RENBP: variants seen among roughly 807,000 people sequenced by gnomAD.
RENBP encodes the protein renin binding protein.
Under a neutral mutation model 37.8 loss-of-function variants are expected in RENBP, and 16 were observed. The observed-to-expected ratio is 0.42, with a 90% CI of 0.29 to 0.64. The LOEUF (loss-of-function observed/expected upper bound fraction) is 0.64. Ranked by LOEUF, RENBP falls within the 30% of genes least tolerant of loss-of-function variation. RENBP has a pLI of 0.19. For missense variants in RENBP, 347 were observed against 379.5 expected (o/e 0.91, Z 0.71); for synonymous variants, 170 against 154.8 (o/e 1.10, Z -0.73).
chrX:153,941,284 G>A (rs1260643558), intron 8 of RENBP, among the ~76,000 whole-genome samples, 194 bp downstream of exon 8: 10 of 110,592 alleles, frequency 9.0e-5, no homozygotes. Context: ...ATTCTTTCTT[G>A]GGCAAGATCC....
intron 6 of RENBP, 66 bp from the exon 7 acceptor site, chrX:153,942,097 A>G (rs1490445140): frequency 1.1e-6 from 1 of 896,573 alleles, no homozygotes; most frequent in Non-Finnish European, 1.6e-6. Context: ...ACCCAACTAG[A>G]AAGACCCAGC....
At position 153,940,150 on chromosome X, in the gene RENBP, AG is replaced by A; in HGVS notation, c.1028del (p.Pro343LeufsTer30). The A allele has an allele frequency of 8.3e-7, 1 of 1,211,134 alleles. No individual in the cohort carries two copies. The highest frequency in any genetic ancestry group is 1.1e-6 in the Non-Finnish European group (1 of 895,289). On this transcript the variant is annotated frameshift_variant, in exon 9 of 11. Coordinates refer to ENST00000393700, the MANE Select transcript of RENBP (RefSeq NM_002910.6). LOFTEE classifies it high-confidence loss of function. ...CTTGGTAGAAGAGGCGCAGCAGCACAGGGTCCCCACTGTCACTGTAACCCAT... is the reference window on the plus strand; with the variant it reads ...CTTGGTAGAAGAGGCGCAGCAGCACAGGTCCCCACTGTCACTGTAACCCAT... ...FLMGYSDSGD[P>X]VLLRLFYQVA...
chrX:153,944,515 G>A (rs1219611596), intron 1 of RENBP, 69 bp downstream of exon 1: 7 of 1,165,666 alleles, frequency 6.0e-6, no homozygotes, highest in African/African-American at 1.8e-5. Flanking sequence ...ACCTCTGCAC[G>A]GGGCTTCAGA....
chrX:153,944,045 C>A, intron 3 of RENBP, 35 bp downstream of exon 3: 1 of 1,205,842 alleles, frequency 8.3e-7, no homozygotes, highest in Non-Finnish European at 1.1e-6. Context: ...GGCGATGGGC[C>A]GTGTGCCTGA....
rs782010184 is a variant in RENBP at position 153,943,012 on chromosome X, C to T, written c.530G>A (p.Arg177Gln). The T allele has an allele frequency of 2.0e-5, 24 of 1,206,053 alleles. No individual in the cohort carries two copies. Among genetic ancestry groups the T allele is most frequent in the East Asian group, 3.0e-5 (1 of 33,702 alleles). ...AGCCGGGGCCCCCTGGAGCTGGGGCCGGCCCAGTCCCGACGCGTCCTCCTG... is the reference window on the plus strand; with the variant it reads ...AGCCGGGGCCCCCTGGAGCTGGGGCTGGCCCAGTCCCGACGCGTCCTCCTG... ...WVQEDASGLG[R>Q]PQLQGAPAAE... The change falls in exon 6 of 11, where the codon CGG becomes CAG. Residue 177 changes from arginine to glutamine, a missense_variant. Arg to Gln is a conservative substitution (Grantham distance 43). This residue lies in a region of RENBP where 244 missense variants were observed against 279.4 expected (regional missense o/e 0.87). Transcript: ENST00000393700.
chrX:153,939,937 G>A (rs2065219147), intron 9 of RENBP, among the ~76,000 whole-genome samples, 165 bp downstream of exon 9: 2 of 109,891 alleles, frequency 1.8e-5, no homozygotes, highest in African/African-American at 6.6e-5. Context: ...TCGAGCTCTA[G>A]GAGGGCAGAG....
At chrX:153,935,895 C>T (rs1435139254) in intron 9 of RENBP, 2 of 261,914 alleles carry the variant, frequency 7.6e-6, no homozygotes, top group African/African-American at 5.6e-5. Context: ...TTTCGGAGGC[C>T]GAGGCGGGCG....
At chrX:153,938,211 C>T (rs782674511) in intron 9 of RENBP, among the ~76,000 whole-genome samples, 3 of 112,196 alleles carry the variant, frequency 2.7e-5, no homozygotes, top group Admixed American at 9.5e-5. Flanking sequence ...GAAGTAGTGA[C>T]GAATATATGT....
At position 153,941,943 on chromosome X, in the gene RENBP, C is replaced by A. The variant is rs1557109623; in HGVS notation, c.769+7G>T. ...CTGGGTGGCCCCCAGCCCACCCCGC[C>A]CCTCACCTGGGTTCTGCTGTCTCCC... On this transcript the variant is annotated splice_region_variant and intron_variant, in intron 7 of 10. Transcript: ENST00000393700. The A allele has an allele frequency of 9.5e-7, 1 of 1,049,339 alleles. No homozygotes were observed. Among genetic ancestry groups the A allele is most frequent in the Non-Finnish European group, 1.3e-6 (1 of 748,362 alleles). 86.5% of individuals were successfully genotyped at this position (1,049,339 alleles called of 1,213,427 possible).
At chrX:153,938,791 T>TG (rs1246205466) in intron 9 of RENBP, among the ~76,000 whole-genome samples, 3 of 90,910 alleles carry the variant, frequency 3.3e-5, no homozygotes, top group African/African-American at 1.6e-4. Context: ...TGTTTTTTTT[T>TG]TTTTGTTTTT....
At position 153,943,679 on chromosome X, in the gene RENBP, G is replaced by A; in HGVS notation, c.329C>T (p.Pro110Leu). The A allele has an allele frequency of 1.7e-6, 2 of 1,211,526 alleles. No homozygotes were observed. The highest frequency in any genetic ancestry group is 1.8e-5 in the South Asian group (1 of 57,021). ...FLLRYARVAP[P>L]GKKCAFVLTR... Reference sequence around the variant, plus strand: ...CAGCACAAAGGCACACTTCTTGCCAGGAGGTGCCACCCGGGCATACCGCAG... The same window carrying A: ...CAGCACAAAGGCACACTTCTTGCCAAGAGGTGCCACCCGGGCATACCGCAG... Residue 110 changes from proline (P) to leucine (L), a missense_variant, in exon 5 of 11, where the codon CCT (proline) becomes CTT (leucine). Coordinates refer to ENST00000393700, the MANE Select transcript of RENBP (RefSeq NM_002910.6).
chrX:153,935,601 C>T, intron 9 of RENBP, 25 bp from the exon 10 acceptor site: 42 of 1,162,395 alleles, frequency 3.6e-5, no homozygotes, highest in Non-Finnish European at 4.8e-5. Flanking sequence ...ACAGTGACAG[C>T]TAGCGCCTGC....
Position 153,941,466 on chromosome X carries a change from G to A in RENBP, c.945+12C>T. 1 of 1,209,619 alleles carries A rather than the reference G, an allele frequency of 8.3e-7. No homozygotes were observed. Among genetic ancestry groups the A allele is most frequent in the Non-Finnish European group, 1.1e-6 (1 of 894,241 alleles). ...CAGCGTGGGTCACACATGGCCCTGG[G>A]CGCTCTCCCACCTGGGTGGGGCAGA... On this transcript the variant is annotated intron_variant, in intron 8 of 10. Transcript: ENST00000393700.
At chrX:153,938,788 TTTTTTTTG>T (rs1169649091) in intron 9 of RENBP, among the ~76,000 whole-genome samples, 26 of 90,332 alleles carry the variant, frequency 2.9e-4, no homozygotes, top group South Asian at 1.2e-3. Context: ...TACTGTTTTT[TTTTTTTTG>T]TTTTTTTTTT....
Position 153,941,473 on chromosome X carries a change from C to T in RENBP, c.945+5G>A, listed in dbSNP as rs782383271. The T allele has an allele frequency of 6.6e-6, 8 of 1,208,128 alleles. No homozygotes were observed. The Admixed American group carries it at 1.3e-4, about 20-fold the overall frequency. ...GGTCACACATGGCCCTGGGCGCTCT[C>T]CCACCTGGGTGGGGCAGAAGTTATC... On this transcript the variant is annotated splice_donor_5th_base_variant and intron_variant, in intron 8 of 10. Coordinates refer to ENST00000393700, the MANE Select transcript of RENBP (RefSeq NM_002910.6).
chrX:153,944,087 C>T lies in RENBP; in HGVS notation c.206G>A (p.Gly69Glu), dbSNP rs373220155. Residue 69 changes from glycine to glutamate, a missense_variant, in exon 3 of 11, where the codon GGG becomes GAG. Around this residue, in one of 3 missense-constraint regions of RENBP, gnomAD observed 244 missense variants for 279.4 expected, o/e 0.87. Coordinates refer to ENST00000393700, the MANE Select transcript of RENBP (RefSeq NM_002910.6). The stretch of plus-strand genomic sequence containing the variant: ...AGGCTGGGAACACCATACCTGCCTC[C>T]CCTGCAGCCACACATACTTGAGGTC... ...YDDLKYVWLQ[G>E]RQVWMYCRLY... 3 of 1,208,945 alleles carry T rather than the reference C, an allele frequency of 2.5e-6. No individual in the cohort carries two copies. The highest frequency in any genetic ancestry group is 3.4e-6 in the Non-Finnish European group (3 of 894,458).
rs782750772 is a variant in RENBP, at chrX:153,943,027, G to A, written c.515C>T (p.Ala172Val). 6 of 1,202,512 alleles carry A rather than the reference G, an allele frequency of 5.0e-6. No individual in the cohort carries two copies. Among genetic ancestry groups the A allele is most frequent in the Non-Finnish European group, 6.7e-6 (6 of 890,897 alleles). The part of the protein sequence containing the change: ...DQIVHWVQED[A>V]SGLGRPQLQG... ...GAGCTGGGGCCGGCCCAGTCCCGACGCGTCCTCCTGCACCCAGTGGACGAT... is the reference window on the plus strand; with the variant it reads ...GAGCTGGGGCCGGCCCAGTCCCGACACGTCCTCCTGCACCCAGTGGACGAT... Residue 172 changes from alanine to valine, a missense_variant, in exon 6 of 11, where the codon GCG (alanine) becomes GTG (valine). Physicochemically the swap from Ala to Val is moderately conservative, Grantham distance 64. This residue lies in a region of RENBP where 244 missense variants were observed against 279.4 expected (regional missense o/e 0.87). Transcript: ENST00000393700.
intron 9 of RENBP, among the ~76,000 whole-genome samples, chrX:153,937,677 G>A (rs781875908): frequency 1.1e-4 from 12 of 107,965 alleles, no homozygotes; most frequent in Admixed American, 3.0e-4. Context: ...CCAGGCTGGA[G>A]TGCTTCCCGG....
At chrX:153,939,806 C>T (rs1475343005) in intron 9 of RENBP, among the ~76,000 whole-genome samples, 1 of 109,175 alleles carries the variant, frequency 9.2e-6, no homozygotes, top group Non-Finnish European at 1.9e-5. Flanking sequence ...CCTGCTGCCA[C>T]CCCATAGGAA....
Sources: gnomAD v4.1 joint callset for allele counts (sites outside exome capture counted in the v4.1 genomes callset) on GRCh38, gnomAD v4.1.1 for gene constraint, gnomAD v4.1.1 regional missense constraint, MANE v1.5 for transcripts, NCBI Gene and HGNC (gene_info 2026-07-23, HGNC 2026-07-21) for gene names.